The following NUP93 variants were observed in gnomAD, a reference collection of about 807,000 sequenced individuals.
NUP93 encodes the protein nucleoporin 93.
A neutral mutation model predicts 107.8 loss-of-function variants in NUP93; 55 were observed. The observed-to-expected ratio is 0.51, with a 90% CI of 0.41 to 0.64. NUP93 has a LOEUF of 0.64. Ranked by LOEUF, NUP93 falls within the 30% of genes least tolerant of loss-of-function variation. The pLI is 0.00. For synonymous variants in NUP93, 390 were observed against 397.5 expected (o/e 0.98, Z 0.22); for missense variants, 937 against 1,044.7 (o/e 0.90, Z 1.42).
chr16:56,763,967 A>G (rs1221290896), intron 3 of NUP93, among the ~76,000 whole-genome samples: 1 of 152,218 alleles, frequency 6.6e-6, no homozygotes, highest in Admixed American at 6.5e-5. Context: ...ACAGGATAAA[A>G]TAACCATAAA....
At chr16:56,828,950 C>G (rs374147283) in intron 8 of NUP93, 27 bp from the exon 9 acceptor site, 46 of 1,610,340 alleles carry the variant, frequency 2.9e-5, no homozygotes, top group Non-Finnish European at 3.7e-5. Flanking sequence ...TCAGTCTTCC[C>G]TGTTTTTTCC....
At chr16:56,793,305 C>G (rs1386806200) in intron 3 of NUP93, among the ~76,000 whole-genome samples, 1 of 151,988 alleles carries the variant, frequency 6.6e-6, no homozygotes. Context: ...TTGAGCTGAC[C>G]CACAGCAGAA....
intron 3 of NUP93, among the ~76,000 whole-genome samples, chr16:56,784,482 G>T (rs369728711): frequency 4.5e-4 from 68 of 152,286 alleles, no homozygotes; most frequent in Non-Finnish European, 8.4e-4. Context: ...AAAGCTGCTT[G>T]TGTAAAACTC....
At chr16:56,733,019 G>C (rs1961558212) in intron 1 of NUP93, among the ~76,000 whole-genome samples, 1 of 152,198 alleles carries the variant, frequency 6.6e-6, no homozygotes. Context: ...GACTTTCCCA[G>C]CTGGCTGCAG....
intron 5 of NUP93, among the ~76,000 whole-genome samples, chr16:56,813,868 A>C (rs1963365900): frequency 1.3e-5 from 2 of 152,146 alleles, no homozygotes; most frequent in African/African-American, 4.8e-5. Context: ...GTGTGGCCCA[A>C]GTATTCCTCT....
chr16:56,823,155 T>C (rs2144613305), intron 7 of NUP93, among the ~76,000 whole-genome samples: 1 of 152,172 alleles, frequency 6.6e-6, no homozygotes, highest in East Asian at 1.9e-4. Flanking sequence ...GAGGCGTCTT[T>C]TGAAGGGAGT....
chr16:56,825,575 T>C (rs1963642173), intron 8 of NUP93, among the ~76,000 whole-genome samples: 1 of 152,158 alleles, frequency 6.6e-6, no homozygotes, highest in Non-Finnish European at 1.5e-5. Flanking sequence ...TACTTTTTTC[T>C]TGATCACCCT....
chr16:56,844,605 A>C lies in NUP93; in HGVS notation c.2456A>C (p.Asn819Thr). 1 of 1,589,340 alleles carries C rather than the reference A, an allele frequency of 6.3e-7. No individual in the cohort carries two copies. Among genetic ancestry groups the C allele is most frequent in the African/African-American group, 1.4e-5 (1 of 73,734 alleles). The change falls in exon 22 of 22, where the codon AAT (asparagine) becomes ACT (threonine). Residue 819 changes from asparagine to threonine, a missense_variant. By Grantham distance (65) the Asn-to-Thr change is moderately conservative (BLOSUM62 0). Transcript: ENST00000308159. Reference protein sequence around the residue: ...ARLVQMEVLMN With the variant: ...ARLVQMEVLMT ...CTGGTGCAGATGGAGGTCCTCATGAATTAAGTGCCATGCTTTGTGGGAGTC... is the reference window on the plus strand; with the variant it reads ...CTGGTGCAGATGGAGGTCCTCATGACTTAAGTGCCATGCTTTGTGGGAGTC...
At chr16:56,826,508 T>G (rs1963661510) in intron 8 of NUP93, among the ~76,000 whole-genome samples, 1 of 92,976 alleles carries the variant, frequency 1.1e-5, no homozygotes, top group East Asian at 3.0e-4. Context: ...AAAGCAAGAC[T>G]CCGTCTAAAA....
chr16:56,769,976 G>A (rs1174723189), intron 3 of NUP93, among the ~76,000 whole-genome samples: 5 of 152,200 alleles, frequency 3.3e-5, no homozygotes, highest in African/African-American at 1.2e-4. Context: ...TCAACTTTGT[G>A]TGTATATTCC....
At chr16:56,766,301 A>G (rs1037699168) in intron 3 of NUP93, among the ~76,000 whole-genome samples, 20 of 152,222 alleles carry the variant, frequency 1.3e-4, no homozygotes, top group African/African-American at 4.1e-4. Context: ...TAACATTTTA[A>G]TAGAAGACTT....
chr16:56,789,792 A>C (rs1450335301), intron 3 of NUP93, among the ~76,000 whole-genome samples: 2 of 152,218 alleles, frequency 1.3e-5, no homozygotes, highest in Non-Finnish European at 2.9e-5. Context: ...AAAGTATTAA[A>C]ATTTTTGTAG....
chr16:56,784,118 G>A (rs568318330), intron 3 of NUP93, among the ~76,000 whole-genome samples: 1 of 152,246 alleles, frequency 6.6e-6, no homozygotes, highest in East Asian at 1.9e-4. Flanking sequence ...AAGTTAATGA[G>A]AAGTATGAAT....
chr16:56,834,028 T>C (rs769400437), intron 13 of NUP93, 100 bp from the exon 14 acceptor site: 96 of 1,525,786 alleles, frequency 6.3e-5, no homozygotes, highest in Non-Finnish European at 8.3e-5. Flanking sequence ...GCTGCAGGAG[T>C]AGATGCTGCT....
At position 56,834,787 on chromosome 16, in the gene NUP93, A is replaced by G; in HGVS notation, c.1782+9A>G. The G allele has an allele frequency of 6.2e-7, 1 of 1,602,824 alleles. No individual in the cohort carries two copies. The highest frequency in any genetic ancestry group is 8.5e-7 in the Non-Finnish European group (1 of 1,170,646). ...ATGACGGAAGTAGAAAGGTGAGTTA[A>G]ATGCATCCTTAGAGAAATGTTCGTT... is the stretch of plus-strand genomic sequence containing the variant. On this transcript the variant is annotated intron_variant, in intron 16 of 21. Transcript: ENST00000308159.
chr16:56,810,644 C>T (rs1024708505), intron 5 of NUP93, among the ~76,000 whole-genome samples: 1 of 151,974 alleles, frequency 6.6e-6, no homozygotes, highest in African/African-American at 2.4e-5. Context: ...GACTCTGTCT[C>T]AAAAAATTAA....
At chr16:56,792,331 G>A (rs1596805533) in intron 3 of NUP93, among the ~76,000 whole-genome samples, 1 of 151,830 alleles carries the variant, frequency 6.6e-6, no homozygotes, top group East Asian at 1.9e-4. Flanking sequence ...TAATGTATGG[G>A]GGGGAGGAAT....
chr16:56,814,264 TC>T (rs1474158079), intron 5 of NUP93, among the ~76,000 whole-genome samples: 1 of 152,166 alleles, frequency 6.6e-6, no homozygotes, highest in Non-Finnish European at 1.5e-5. Context: ...CACTGCAACT[TC>T]CGCTTCCCGG....
At position 56,841,699 on chromosome 16, in the gene NUP93, A is replaced by G. The variant is rs759114767; in HGVS notation, c.2221-6A>G. 1.9e-6 allele frequency: 3 copies of G among 1,613,720 alleles called. No individual in the cohort carries two copies. The highest frequency in any genetic ancestry group is 1.7e-4 in the Middle Eastern group (1 of 6,054). Reference sequence around the variant, plus strand: ...TTTTCTTTACTCTGTTTTTCTCTCTATGTAGATCAGGCACAACCTCTCAGA... The same window carrying G: ...TTTTCTTTACTCTGTTTTTCTCTCTGTGTAGATCAGGCACAACCTCTCAGA... On this transcript the variant is annotated splice_polypyrimidine_tract_variant and splice_region_variant and intron_variant, in intron 20 of 21. Transcript: ENST00000308159.
Sources: allele counts gnomAD v4.1 joint callset (sites outside exome capture counted in the v4.1 genomes callset), GRCh38; gene constraint gnomAD v4.1.1; transcripts MANE v1.5; gene names NCBI Gene and HGNC (gene_info 2026-07-23, HGNC 2026-07-21).